The following GALNT17 variants were observed in gnomAD, a reference collection of about 807,000 sequenced individuals.
The protein encoded by GALNT17 is UDP-GalNAc:polypeptide N-acetylgalactosaminyltransferase-like 3.
GALNT17 carries 29 observed loss-of-function variants against 63.7 expected under a neutral mutation model. The observed-to-expected ratio is 0.46, with a 90% CI of 0.34 to 0.62. The LOEUF is 0.62. Ranked by LOEUF, GALNT17 falls within the 20% of genes least tolerant of loss-of-function variation. The probability of loss-of-function intolerance (pLI) is 0.01; values close to 1 mark genes in which losing one functional copy is unlikely to be tolerated. For synonymous variants in GALNT17, 305 were observed against 318.3 expected (o/e 0.96, Z 0.45); for missense variants, 603 against 799.6 (o/e 0.75, Z 2.97).
At chr7:71,472,134 T>A (rs116904620) in intron 5 of GALNT17, among the ~76,000 whole-genome samples, 2,986 of 152,166 alleles carry the variant, frequency 0.02, 41 homozygotes, top group African/African-American at 0.029. Flanking sequence ...CCCTGTATCA[T>A]CACATAGTGG....
intron 5 of GALNT17, among the ~76,000 whole-genome samples, chr7:71,453,628 G>A (rs546360795): frequency 7.2e-5 from 11 of 152,272 alleles, no homozygotes; most frequent in African/African-American, 2.2e-4. Flanking sequence ...ATGAGATTTG[G>A]GAGGGGACAC....
At chr7:71,260,042 G>A (rs553315324) in intron 1 of GALNT17, among the ~76,000 whole-genome samples, 4 of 152,094 alleles carry the variant, frequency 2.6e-5, no homozygotes, top group Admixed American at 2.6e-4. Flanking sequence ...TCAAATATTT[G>A]CAGGAATTTT....
chr7:71,272,566 C>A (rs1790612801), intron 1 of GALNT17, among the ~76,000 whole-genome samples: 1 of 152,086 alleles, frequency 6.6e-6, no homozygotes, highest in Non-Finnish European at 1.5e-5. Flanking sequence ...CATGGAAGGG[C>A]AGGAATGTCT....
At chr7:71,227,604 A>ATG (rs1352748270) in intron 1 of GALNT17, among the ~76,000 whole-genome samples, 2 of 152,010 alleles carry the variant, frequency 1.3e-5, no homozygotes, top group East Asian at 3.9e-4. Flanking sequence ...CCCTTGCTAG[A>ATG]TGGCTTAATT....
At chr7:71,165,094 A>T (rs1245387227) in intron 1 of GALNT17, among the ~76,000 whole-genome samples, 5 of 152,274 alleles carry the variant, frequency 3.3e-5, no homozygotes, top group Non-Finnish European at 2.9e-5. Flanking sequence ...TACTTGAAGA[A>T]GATGAATATT....
intron 1 of GALNT17, among the ~76,000 whole-genome samples, chr7:71,306,809 T>C (rs4305790): frequency 0.92 from 139,685 of 152,194 alleles, 64,175 homozygotes; most frequent in East Asian, 1. Context: ...CAAGTCCCTG[T>C]TTTCATTTCT....
chr7:71,571,263 C>T lies in GALNT17; in HGVS notation c.963-22C>T, dbSNP rs192340055. On this transcript the variant is annotated intron_variant, in intron 5 of 10. Coordinates refer to ENST00000333538, the MANE Select transcript of GALNT17 (RefSeq NM_022479.3). The stretch of plus-strand genomic sequence containing the variant: ...CTGGCACTGACACCTCAATGAGCTT[C>T]CCTTCTTTCTCCCTCCCTCAGGACC... 10,089 of 1,608,182 alleles carry T rather than the reference C, an allele frequency of 6.3e-3. 68 individuals carry two copies. The highest frequency in any genetic ancestry group is 0.029 in the Middle Eastern group (177 of 6,014).
At chr7:71,678,001 C>T (rs1009698823) in intron 9 of GALNT17, among the ~76,000 whole-genome samples, 1 of 152,172 alleles carries the variant, frequency 6.6e-6, no homozygotes, top group Non-Finnish European at 1.5e-5. Flanking sequence ...CTTGCAGCAA[C>T]TCTGGGAAGT....
chr7:71,137,380 C>A (rs1329537284), intron 1 of GALNT17, among the ~76,000 whole-genome samples: 1 of 152,008 alleles, frequency 6.6e-6, no homozygotes, highest in Non-Finnish European at 1.5e-5. Flanking sequence ...ACCTCGTGAT[C>A]CACCCGCCTC....
intron 1 of GALNT17, among the ~76,000 whole-genome samples, chr7:71,295,128 A>C (rs1053596521): frequency 3.9e-5 from 6 of 152,038 alleles, no homozygotes; most frequent in Non-Finnish European, 7.4e-5. Flanking sequence ...CTATATGGTA[A>C]TTCTTCTAAG....
At chr7:71,695,297 G>A (rs1791523313) in intron 9 of GALNT17, among the ~76,000 whole-genome samples, 1 of 152,130 alleles carries the variant, frequency 6.6e-6, no homozygotes, top group Admixed American at 6.5e-5. Context: ...TCAGCCTGAG[G>A]TTTTTGTGGC....
chr7:71,187,425 CTG>C (rs1250391872), intron 1 of GALNT17, among the ~76,000 whole-genome samples: 1 of 151,898 alleles, frequency 6.6e-6, no homozygotes, highest in African/African-American at 2.4e-5. Context: ...GGCATAAAGA[CTG>C]AGAAACTTGA....
intron 1 of GALNT17, among the ~76,000 whole-genome samples, chr7:71,331,206 C>G (rs139036636): frequency 6.0e-4 from 92 of 152,274 alleles, no homozygotes; most frequent in Non-Finnish European, 1.1e-3. Flanking sequence ...CTCTTTCAGC[C>G]TTATCTCTTG....
intron 2 of GALNT17, among the ~76,000 whole-genome samples, chr7:71,359,224 G>A (rs1164274618): frequency 6.6e-6 from 1 of 152,202 alleles, no homozygotes; most frequent in South Asian, 2.1e-4. Flanking sequence ...AGTTCTACAC[G>A]CTGTACGAGA....
At chr7:71,187,648 G>A (rs529904808) in intron 1 of GALNT17, among the ~76,000 whole-genome samples, 4 of 152,242 alleles carry the variant, frequency 2.6e-5, no homozygotes, top group African/African-American at 9.6e-5. Flanking sequence ...CAGAGGTACT[G>A]ACGTGCACAT....
intron 2 of GALNT17, among the ~76,000 whole-genome samples, chr7:71,386,539 T>G (rs889855269): frequency 1.3e-5 from 2 of 152,272 alleles, no homozygotes; most frequent in East Asian, 1.9e-4. Context: ...CTGGACGGAC[T>G]CTCGGTGCAC....
intron 1 of GALNT17, among the ~76,000 whole-genome samples, chr7:71,270,132 C>T (rs1272533744): frequency 6.6e-6 from 1 of 152,052 alleles, no homozygotes; most frequent in African/African-American, 2.4e-5. Flanking sequence ...TTTTTAGCCC[C>T]GTTTTACAGA....
At chr7:71,163,992 C>T (rs1165514890) in intron 1 of GALNT17, among the ~76,000 whole-genome samples, 2 of 152,138 alleles carry the variant, frequency 1.3e-5, no homozygotes, top group Admixed American at 6.5e-5. Context: ...AGGCTGGGTA[C>T]TCTAGAACCA....
intron 1 of GALNT17, among the ~76,000 whole-genome samples, chr7:71,299,009 A>G (rs140378609): frequency 3.4e-4 from 52 of 152,228 alleles, no homozygotes; most frequent in African/African-American, 1.1e-3. Flanking sequence ...CACCCTTGCA[A>G]CTGACTATCG....
Sources: gnomAD v4.1 joint callset for allele counts (sites outside exome capture counted in the v4.1 genomes callset) on GRCh38, gnomAD v4.1.1 for gene constraint, MANE v1.5 for transcripts, NCBI Gene and HGNC (gene_info 2026-07-23, HGNC 2026-07-21) for gene names.